The following FRMD3 variants were observed in gnomAD, a reference collection of about 807,000 sequenced individuals.
FRMD3 encodes the protein FERM domain containing 3, also known as FERM domain-containing protein 3.
Under a neutral mutation model 70.2 loss-of-function variants are expected in FRMD3, and 33 were observed. The observed-to-expected ratio is 0.47, with a 90% CI of 0.36 to 0.63. The LOEUF (loss-of-function observed/expected upper bound fraction) is 0.63, where lower values mean the gene tolerates loss of function less well. Ranked by LOEUF, FRMD3 falls within the 20% of genes least tolerant of loss-of-function variation. FRMD3 has a pLI of 0.00. For missense variants in FRMD3, 632 were observed against 711.4 expected, an observed-to-expected ratio of 0.89 and a Z score of 1.27; for synonymous variants, 279 against 255.9, an observed-to-expected ratio of 1.09 and a Z score of -0.86.
rs573939306 is a variant in FRMD3 at position 83,361,057 on chromosome 9, C to T, written c.296-11300G>A. On this transcript the variant is annotated intron_variant, in intron 3 of 13. Coordinates refer to ENST00000304195, the MANE Select transcript of FRMD3 (RefSeq NM_174938.6). ...ACAAGGTAAGCAAACAGGTGTCCAACGCTGGAGACACTCCATGGCTGAAAC... is the reference window on the plus strand; with the variant it reads ...ACAAGGTAAGCAAACAGGTGTCCAATGCTGGAGACACTCCATGGCTGAAAC... Among the ~76,000 whole-genome samples the T allele has an allele frequency of 9.2e-5, 14 of 152,256 alleles. No individual in the cohort carries two copies. The South Asian group carries it at 2.5e-3, about 27-fold the overall frequency.
At chr9:83,315,052 G>GC (rs1564010908) in intron 6 of FRMD3, among the ~76,000 whole-genome samples, 4 of 149,142 alleles carry the variant, frequency 2.7e-5, no homozygotes, top group African/African-American at 9.8e-5. Context: ...TCATTGATAT[G>GC]TTTTTTTTTT....
At chr9:83,259,353 A>C (rs1832878349) in intron 13 of FRMD3, among the ~76,000 whole-genome samples, 1 of 152,172 alleles carries the variant, frequency 6.6e-6, no homozygotes, top group Admixed American at 6.5e-5. Flanking sequence ...CTGAGGATTT[A>C]GCAGTTCAGA....
At chr9:83,292,079 A>G (rs1289502125) in intron 12 of FRMD3, among the ~76,000 whole-genome samples, 3 of 152,146 alleles carry the variant, frequency 2.0e-5, no homozygotes, top group Non-Finnish European at 4.4e-5. Flanking sequence ...GCTCCAGAGA[A>G]CTGTAGTCCT....
At chr9:83,415,755 C>CA in intron 1 of FRMD3, among the ~76,000 whole-genome samples, 1 of 151,738 alleles carries the variant, frequency 6.6e-6, no homozygotes. Context: ...CCACTGCGCC[C>CA]AGCCGAGAAA....
At chr9:83,489,589 T>C (rs1019490346) in intron 1 of FRMD3, among the ~76,000 whole-genome samples, 4 of 152,138 alleles carry the variant, frequency 2.6e-5, no homozygotes, top group Non-Finnish European at 5.9e-5. Flanking sequence ...ATGGCTATTA[T>C]TAAAAAATCA....
intron 9 of FRMD3, 106 bp downstream of exon 9, chr9:83,310,379 T>C: frequency 1.1e-6 from 1 of 904,454 alleles, no homozygotes; most frequent in East Asian, 2.5e-5. Flanking sequence ...ACCATACACT[T>C]CAAAGTCATG....
intron 1 of FRMD3, among the ~76,000 whole-genome samples, chr9:83,436,019 A>T (rs1298467513): frequency 6.6e-6 from 1 of 152,166 alleles, no homozygotes; most frequent in Non-Finnish European, 1.5e-5. Context: ...GAATATGCAC[A>T]TGTTCAGGAA....
At chr9:83,420,601 A>G (rs1179283006) in intron 1 of FRMD3, among the ~76,000 whole-genome samples, 1 of 152,102 alleles carries the variant, frequency 6.6e-6, no homozygotes, top group African/African-American at 2.4e-5. Flanking sequence ...TATCATTGAT[A>G]TGGTTTGGAT....
chr9:83,394,656 A>G (rs1209322610), intron 1 of FRMD3, among the ~76,000 whole-genome samples: 1 of 152,178 alleles, frequency 6.6e-6, no homozygotes, highest in Non-Finnish European at 1.5e-5. Context: ...CAGAGTCAGT[A>G]GTAAGTCCCA....
chr9:83,247,259 T>C lies in FRMD3; in HGVS notation c.*659A>G. The C allele has an allele frequency of 1.0e-6, 1 of 985,296 alleles. No homozygotes were observed. The highest frequency in any genetic ancestry group is 1.2e-6 in the Non-Finnish European group (1 of 829,866). The allele number at this position is 985,296 out of a possible 1,614,324, so 61.0% of individuals were successfully genotyped here. Reference sequence around the variant, plus strand: ...TATCTCCTATGCAGATCATAACAAATTATGGTATTGTTCAGCCAAAAATAT... The same window carrying C: ...TATCTCCTATGCAGATCATAACAAACTATGGTATTGTTCAGCCAAAAATAT... On this transcript the variant is annotated 3_prime_UTR_variant, in exon 14 of 14. Transcript: ENST00000304195.
At chr9:83,570,664 T>A in the FRMD3 span, among the ~76,000 whole-genome samples, 3 of 152,192 alleles carry the variant, frequency 2.0e-5, no homozygotes, top group Non-Finnish European at 4.4e-5. Flanking sequence ...GGAAAGGATT[T>A]GACTTTAACT....
chr9:83,272,942 G>T (rs1414716140), intron 13 of FRMD3, among the ~76,000 whole-genome samples: 2 of 147,988 alleles, frequency 1.4e-5, no homozygotes, highest in African/African-American at 5.0e-5. Context: ...CCCTCCGCCC[G>T]GCAGCCGCCC....
intron 13 of FRMD3, among the ~76,000 whole-genome samples, chr9:83,256,290 A>T (rs1025651185): frequency 1.3e-4 from 20 of 152,212 alleles, no homozygotes; most frequent in African/African-American, 4.8e-4. Flanking sequence ...CTATTTGATA[A>T]ATGGTGCTGG....
At chr9:83,479,721 A>AG (rs760491972) in intron 1 of FRMD3, among the ~76,000 whole-genome samples, 2 of 62,996 alleles carry the variant, frequency 3.2e-5, no homozygotes, top group African/African-American at 8.6e-5. Flanking sequence ...AGAAAGAAAG[A>AG]AAAGAAAGGG....
intron 3 of FRMD3, among the ~76,000 whole-genome samples, chr9:83,362,789 CTCCT>C (rs138491416): frequency 0.14 from 16,039 of 117,742 alleles, 1,677 homozygotes; most frequent in African/African-American, 0.19. Flanking sequence ...ATTTCCTTCC[CTCCT>C]TCCTTCCTTT....
the FRMD3 span, among the ~76,000 whole-genome samples, chr9:83,567,546 T>C: frequency 1.3e-5 from 2 of 152,220 alleles, no homozygotes. Flanking sequence ...CCAACTTTTA[T>C]GCTCTGTTTC....
At chr9:83,487,677 T>C (rs762104040) in intron 1 of FRMD3, among the ~76,000 whole-genome samples, 5 of 152,026 alleles carry the variant, frequency 3.3e-5, no homozygotes, top group Non-Finnish European at 5.9e-5. Flanking sequence ...AAGAAAGAGA[T>C]TTAACCAAAT....
the FRMD3 span, among the ~76,000 whole-genome samples, chr9:83,575,587 A>T: frequency 6.6e-6 from 1 of 152,282 alleles, no homozygotes; most frequent in East Asian, 1.9e-4. Context: ...GAGAGTTCTC[A>T]TATTAAGAGG....
At chr9:83,343,767 G>A (rs980704180) in intron 4 of FRMD3, among the ~76,000 whole-genome samples, 11 of 152,204 alleles carry the variant, frequency 7.2e-5, no homozygotes, top group South Asian at 4.1e-4. Context: ...TCAGACAGAC[G>A]CAGTCATTAT....
Sources: gnomAD v4.1 joint callset for allele counts (sites outside exome capture counted in the v4.1 genomes callset) on GRCh38, gnomAD v4.1.1 for gene constraint, MANE v1.5 for transcripts, NCBI Gene and HGNC (gene_info 2026-07-23, HGNC 2026-07-21) for gene names.